Variants in PPP2R2B observed in about 807,000 individuals in gnomAD.
The protein encoded by PPP2R2B is serine/threonine-protein phosphatase 2A 55 kDa regulatory subunit B beta isoform.
PPP2R2B carries 5 observed loss-of-function variants against 46.0 expected under a neutral mutation model. That is an observed-to-expected ratio of 0.11 (90% confidence interval 0.06 to 0.23). The LOEUF (loss-of-function observed/expected upper bound fraction) is 0.23. Among genes scored for constraint, PPP2R2B ranks in the 10% least tolerant of loss-of-function variants. PPP2R2B has a pLI of 1.00. For synonymous variants in PPP2R2B, 215 were observed against 206.7 expected (o/e 1.04, Z -0.34); for missense variants, 367 against 575.0 (o/e 0.64, Z 3.70).
intron 1 of PPP2R2B, among the ~76,000 whole-genome samples, chr5:146,889,450 T>C (rs1012402319): frequency 1.1e-4 from 17 of 152,236 alleles, no homozygotes; most frequent in African/African-American, 4.1e-4. Context: ...GTCTACATAA[T>C]TGAGCTCTAA....
intron 4 of PPP2R2B, 22 bp downstream of exon 4, chr5:146,697,957 A>G: frequency 6.3e-7 from 1 of 1,596,834 alleles, no homozygotes; most frequent in Non-Finnish European, 8.5e-7. Flanking sequence ...CTCTGAAAAT[A>G]CCAAACAGGA....
At chr5:146,738,309 C>A (rs567347549) in intron 2 of PPP2R2B, among the ~76,000 whole-genome samples, 1 of 146,806 alleles carries the variant, frequency 6.8e-6, no homozygotes, top group Non-Finnish European at 1.5e-5. Context: ...GGCAGGAGAA[C>A]GGCATGAACT....
chr5:146,861,472 T>C (rs1431331483), intron 2 of PPP2R2B, among the ~76,000 whole-genome samples: 1 of 152,154 alleles, frequency 6.6e-6, no homozygotes, highest in African/African-American at 2.4e-5. Flanking sequence ...ATTACAGGCG[T>C]GAGCCACCGC....
At chr5:146,850,522 C>T (rs1441516723) in intron 2 of PPP2R2B, among the ~76,000 whole-genome samples, 1 of 152,150 alleles carries the variant, frequency 6.6e-6, no homozygotes, top group Non-Finnish European at 1.5e-5. Flanking sequence ...ACTTTTTGAA[C>T]ACACACTCTC....
chr5:146,878,641 G>C lies in PPP2R2B; in HGVS notation c.-175C>G, dbSNP rs149731626. On this transcript the variant is annotated 5_prime_UTR_variant, in exon 1 of 10. Transcript: ENST00000394411. The surrounding 1 kb of genome is among the most constrained non-coding windows in gnomAD (Gnocchi z 4.5). ...CACGGGAGGGCGGCTCCGGCAGGCG[G>C]GGGTAGGGAAGCTGGCGGGGAGCTG... The C allele has an allele frequency of 5.6e-6, 7 of 1,258,382 alleles. No homozygotes were observed. Among genetic ancestry groups the C allele is most frequent in the South Asian group, 1.5e-5 (1 of 68,904 alleles). 78.0% of individuals were successfully genotyped at this position (1,258,382 alleles called of 1,614,324 possible).
chr5:146,723,884 C>G (rs973268609), intron 2 of PPP2R2B, among the ~76,000 whole-genome samples: 3 of 152,126 alleles, frequency 2.0e-5, no homozygotes, highest in Non-Finnish European at 4.4e-5. Context: ...ACAAACTCAA[C>G]AAATCCACAA....
intron 7 of PPP2R2B, among the ~76,000 whole-genome samples, chr5:146,626,226 G>A (rs1159728373): frequency 1.3e-5 from 2 of 149,058 alleles, no homozygotes; most frequent in East Asian, 1.9e-4. Flanking sequence ...GGGGAAAAAC[G>A]GGCAGCTAAT....
intron 5 of PPP2R2B, among the ~76,000 whole-genome samples, chr5:146,658,463 T>A (rs1487988025): frequency 1.3e-5 from 2 of 152,186 alleles, no homozygotes; most frequent in Non-Finnish European, 2.9e-5. Flanking sequence ...TGGGAGAGCA[T>A]TGGGTCCTCC....
intron 2 of PPP2R2B, chr5:146,751,498 C>G (rs781740511): frequency 6.6e-6 from 1 of 152,216 alleles, no homozygotes; most frequent in Non-Finnish European, 1.5e-5. Context: ...TTCTTTCTGT[C>G]TTTGCAGCAT....
chr5:147,024,950 A>C (rs992358748), intron 1 of PPP2R2B, among the ~76,000 whole-genome samples: 3 of 152,110 alleles, frequency 2.0e-5, no homozygotes, highest in Non-Finnish European at 2.9e-5. Flanking sequence ...AAGAAAAGGA[A>C]GGAAATAAAG....
intron 2 of PPP2R2B, among the ~76,000 whole-genome samples, chr5:146,789,476 A>C (rs1383537405): frequency 6.6e-6 from 1 of 152,178 alleles, no homozygotes; most frequent in Non-Finnish European, 1.5e-5. Flanking sequence ...GTCTCAGGTG[A>C]AACAGCCAAA....
chr5:146,882,206 G>A (rs540500355), upstream of PPP2R2B, among the ~76,000 whole-genome samples: 257 of 151,736 alleles, frequency 1.7e-3, no homozygotes, highest in Non-Finnish European at 2.6e-3. Flanking sequence ...GAACCCGGGA[G>A]GCAGAGGTTG....
chr5:146,728,676 C>T (rs367570704), intron 2 of PPP2R2B, among the ~76,000 whole-genome samples: 9 of 152,234 alleles, frequency 5.9e-5, no homozygotes, highest in African/African-American at 1.2e-4. Context: ...AATTGAATCA[C>T]GGGGACTGGT....
At chr5:146,761,979 T>C (rs1014428731) in intron 2 of PPP2R2B, among the ~76,000 whole-genome samples, 5 of 152,174 alleles carry the variant, frequency 3.3e-5, no homozygotes, top group African/African-American at 1.2e-4. Context: ...TAGGAGGAGC[T>C]GACAAGCACT....
intron 5 of PPP2R2B, among the ~76,000 whole-genome samples, chr5:146,683,386 G>A (rs1040188290): frequency 2.0e-5 from 3 of 152,094 alleles, no homozygotes; most frequent in Admixed American, 6.6e-5. Flanking sequence ...TCATAAAGAC[G>A]TGCACTCAAG....
intron 7 of PPP2R2B, among the ~76,000 whole-genome samples, chr5:146,623,903 C>A (rs149921332): frequency 6.6e-6 from 1 of 152,114 alleles, no homozygotes; most frequent in African/African-American, 2.4e-5. Context: ...ACTGATGCTA[C>A]CTACTGAGCT....
intron 1 of PPP2R2B, among the ~76,000 whole-genome samples, chr5:146,888,331 T>C (rs1400475572): frequency 6.6e-6 from 1 of 152,104 alleles, no homozygotes; most frequent in Non-Finnish European, 1.5e-5. Context: ...CCCACCCTCC[T>C]GTTCCTTCAT....
chr5:147,035,820 T>C (rs1756011575), intron 1 of PPP2R2B, among the ~76,000 whole-genome samples: 3 of 152,094 alleles, frequency 2.0e-5, no homozygotes, highest in Non-Finnish European at 4.4e-5. Flanking sequence ...AGTTTGGATG[T>C]CTAGATAATT....
chr5:146,946,789 C>T lies in PPP2R2B; in HGVS notation c.79+108876G>A, dbSNP rs1034896837. Among the ~76,000 whole-genome samples the T allele has an allele frequency of 2.0e-5, 3 of 152,178 alleles. No homozygotes were observed. The East Asian group carries it at 5.8e-4, about 29-fold the overall frequency. On this transcript the variant is annotated intron_variant, in intron 1 of 8. Transcript: ENST00000336640. The stretch of plus-strand genomic sequence containing the variant: ...ATGCCAGAGGAGGCCGAAGCCATTA[C>T]AGAAGGATTGTTTCCATCTAAACAA...
Sources: allele counts gnomAD v4.1 joint callset (sites outside exome capture counted in the v4.1 genomes callset), GRCh38; gene constraint gnomAD v4.1.1; non-coding constraint Gnocchi (gnomAD v3.1); transcripts MANE v1.5; gene names NCBI Gene and HGNC (gene_info 2026-07-23, HGNC 2026-07-21).